The following DNAJA3 variants were observed in gnomAD, a reference collection of about 807,000 sequenced individuals.
DNAJA3 encodes dnaJ homolog subfamily A member 3, mitochondrial.
Under a neutral mutation model 54.9 loss-of-function variants are expected in DNAJA3, and 29 were observed. The observed-to-expected ratio is 0.53, with a 90% CI of 0.39 to 0.72. The LOEUF is 0.72. Among genes scored for constraint, DNAJA3 ranks in the 30% least tolerant of loss-of-function variants. The pLI, the probability that DNAJA3 is intolerant of heterozygous loss-of-function variation, is 0.00. For missense variants in DNAJA3, 708 were observed against 639.4 expected, an observed-to-expected ratio of 1.11 and a Z score of -1.16; for synonymous variants, 302 against 251.4, an observed-to-expected ratio of 1.20 and a Z score of -1.90.
At chr16:4,435,977 A>C (rs1266194755) in intron 2 of DNAJA3, among the ~76,000 whole-genome samples, 2 of 152,240 alleles carry the variant, frequency 1.3e-5, no homozygotes, top group Non-Finnish European at 2.9e-5. Flanking sequence ...ATCCCAGTGA[A>C]CACTTAACTA....
intron 2 of DNAJA3, 92 bp downstream of exon 2, chr16:4,434,609 A>C: frequency 4.1e-6 from 6 of 1,459,298 alleles, no homozygotes; most frequent in Non-Finnish European, 3.7e-6. Context: ...ATGTGCCCAT[A>C]TGAATAGGTC....
intron 2 of DNAJA3, among the ~76,000 whole-genome samples, chr16:4,435,190 G>A (rs1308171841): frequency 5.3e-5 from 8 of 152,076 alleles, no homozygotes; most frequent in South Asian, 2.1e-4. Context: ...GTGAGCCACC[G>A]CGCCTGGCCC....
intron 8 of DNAJA3, chr16:4,447,229 T>G (rs1452450762): frequency 1.7e-6 from 1 of 575,958 alleles, no homozygotes. Context: ...AGTTCCTGGC[T>G]GGCATCACTC....
intron 3 of DNAJA3, among the ~76,000 whole-genome samples, chr16:4,439,434 G>C (rs1299458941): frequency 6.6e-6 from 1 of 151,812 alleles, no homozygotes; most frequent in African/African-American, 2.4e-5. Flanking sequence ...GCTCACTGCA[G>C]TCTCAAACTC....
At chr16:4,439,216 C>G (rs905981932) in intron 3 of DNAJA3, among the ~76,000 whole-genome samples, 2 of 151,950 alleles carry the variant, frequency 1.3e-5, no homozygotes, top group Non-Finnish European at 2.9e-5. Context: ...CAAAAATTAG[C>G]CAGGTGTGGT....
At chr16:4,429,182 C>T (rs938676382) in intron 1 of DNAJA3, among the ~76,000 whole-genome samples, 18 of 150,902 alleles carry the variant, frequency 1.2e-4, no homozygotes, top group Admixed American at 9.3e-4. Flanking sequence ...CCACCGCGCC[C>T]GGCCAAGATT....
At chr16:4,438,635 CTTTTT>C (rs56211652) in intron 3 of DNAJA3, among the ~76,000 whole-genome samples, 2 of 110,642 alleles carry the variant, frequency 1.8e-5, no homozygotes, top group African/African-American at 3.6e-5. Flanking sequence ...ACAATCTTTT[CTTTTT>C]TTTTTTTTTT....
intron 8 of DNAJA3, among the ~76,000 whole-genome samples, chr16:4,448,263 G>C (rs1399646684): frequency 6.6e-6 from 1 of 150,632 alleles, no homozygotes; most frequent in Non-Finnish European, 1.5e-5. Context: ...CTGACCTCGT[G>C]ATCTGCCTGC....
chr16:4,433,828 C>T (rs547489492), intron 1 of DNAJA3: 2 of 154,114 alleles, frequency 1.3e-5, no homozygotes, highest in African/African-American at 4.8e-5. Context: ...GAATCAGCCT[C>T]ATCCAATACT....
At chr16:4,449,666 C>CG (rs2056952869) in intron 9 of DNAJA3, 1 of 152,414 alleles carries the variant, frequency 6.6e-6, no homozygotes, top group Non-Finnish European at 1.5e-5. Flanking sequence ...TGAGCCAGCA[C>CG]GCCTGGCCCG....
chr16:4,446,813 T>C, intron 7 of DNAJA3, 73 bp from the exon 8 acceptor site: 5 of 1,583,172 alleles, frequency 3.2e-6, no homozygotes, highest in Non-Finnish European at 4.3e-6. Context: ...AGCTTGGGCC[T>C]GGCCAGGCAT....
chr16:4,450,644 C>A, intron 10 of DNAJA3, 147 bp downstream of exon 10: 1 of 613,728 alleles, frequency 1.6e-6, no homozygotes. Context: ...GGGCTGTGGG[C>A]GGGGACAGCG....
intron 2 of DNAJA3, among the ~76,000 whole-genome samples, chr16:4,436,503 C>A (rs947079450): frequency 1.3e-5 from 2 of 152,106 alleles, no homozygotes; most frequent in South Asian, 2.1e-4. Flanking sequence ...ACAGCAGAGA[C>A]GTCTATTTAT....
At chr16:4,455,367 A>G (rs563117965) in intron 11 of DNAJA3, 179 bp from the exon 12 acceptor site, 2 of 670,302 alleles carry the variant, frequency 3.0e-6, no homozygotes, top group East Asian at 5.4e-5. Context: ...CTCCAGGGGT[A>G]GCGCTTGCTC....
At position 4,455,732 on chromosome 16, in the gene DNAJA3, G is replaced by C. The variant is rs574416739; in HGVS notation, c.*200G>C. On this transcript the variant is annotated 3_prime_UTR_variant, in exon 12 of 12. Transcript: ENST00000262375. Reference sequence around the variant, plus strand: ...ACGGAAAGGTCACAGTGGACAGCCCGGGCAGTAGGATGCAGCCCCAGAGGC... The same window carrying C: ...ACGGAAAGGTCACAGTGGACAGCCCCGGCAGTAGGATGCAGCCCCAGAGGC... The C allele has an allele frequency of 1.3e-6, 1 of 763,234 alleles. No individual in the cohort carries two copies. Among genetic ancestry groups the C allele is most frequent in the Non-Finnish European group, 2.1e-6 (1 of 465,660 alleles). 47.3% of individuals were successfully genotyped at this position (763,234 alleles called of 1,614,324 possible).
chr16:4,435,091 G>A (rs891671776), intron 2 of DNAJA3, among the ~76,000 whole-genome samples: 3 of 151,598 alleles, frequency 2.0e-5, no homozygotes, highest in Admixed American at 1.3e-4. Flanking sequence ...GTAGAGACGC[G>A]GTTTCACTTT....
chr16:4,442,327 G>A lies in DNAJA3; in HGVS notation c.690G>A (p.Val230=), dbSNP rs2056846256. 1.9e-6 allele frequency: 3 copies of A among 1,608,308 alleles called. No homozygotes were observed. The change falls in exon 5 of 12, where the codon GTG becomes GTA. Residue 230 remains valine (V), a synonymous_variant. Transcript: ENST00000262375. ...AGGGGGTCAACAAGGAGTTCACCGT[G>A]AACATCATGGACACGTGTGAGCGCT... The part of the protein sequence containing the change: ...AAKGVNKEFT[V]NIMDTCERCN...
chr16:4,454,562 T>G (rs1596373561), intron 10 of DNAJA3, among the ~76,000 whole-genome samples: 1 of 152,256 alleles, frequency 6.6e-6, no homozygotes, highest in Non-Finnish European at 1.5e-5. Flanking sequence ...CTTGTTTCCC[T>G]GCTGTGGGTC....
At position 4,454,944 on chromosome 16, in the gene DNAJA3, G is replaced by C. The variant is rs571521535; in HGVS notation, c.*13+17G>C. On this transcript the variant is annotated intron_variant, in intron 11 of 11. Transcript: ENST00000262375. ...CCAGCCGAGGTAGGAAAACCCTGGAGGTTTTTTTTCCCTTTGTTTTCCTCT... is the reference window on the plus strand; with the variant it reads ...CCAGCCGAGGTAGGAAAACCCTGGACGTTTTTTTTCCCTTTGTTTTCCTCT... The C allele has an allele frequency of 1.2e-5, 18 of 1,561,652 alleles. No homozygotes were observed. The South Asian group carries it at 1.8e-4, about 16-fold the overall frequency.
Sources: gnomAD v4.1 joint callset for allele counts (sites outside exome capture counted in the v4.1 genomes callset) on GRCh38, gnomAD v4.1.1 for gene constraint, MANE v1.5 for transcripts, NCBI Gene and HGNC (gene_info 2026-07-23, HGNC 2026-07-21) for gene names.